PCDHA3: variants seen among roughly 807,000 people sequenced by gnomAD.
PCDHA3 encodes protocadherin alpha-3.
PCDHA3 carries 41 observed loss-of-function variants against 62.2 expected under a neutral mutation model. That is an observed-to-expected ratio of 0.66 (90% confidence interval 0.51 to 0.86). The LOEUF (loss-of-function observed/expected upper bound fraction) is 0.86, where lower values mean the gene tolerates loss of function less well. PCDHA3 is among the 40% of genes least tolerant of loss of function. The pLI is 0.00. For missense variants in PCDHA3, 1,304 were observed against 1,241.2 expected, an observed-to-expected ratio of 1.05 and a Z score of -0.76; for synonymous variants, 640 against 555.4, an observed-to-expected ratio of 1.15 and a Z score of -2.14.
At chr5:140,883,208 A>C in intron 1 of PCDHA3, 3 of 1,614,034 alleles carry the variant, frequency 1.9e-6, no homozygotes, top group Non-Finnish European at 1.7e-6. Context: ...CGAAGAAAAG[A>C]AATTATATGA....
intron 1 of PCDHA3, among the ~76,000 whole-genome samples, chr5:140,916,434 C>T (rs1554197442): frequency 1.3e-5 from 2 of 152,184 alleles, no homozygotes; most frequent in Non-Finnish European, 2.9e-5. Context: ...AACCTAAGGC[C>T]CACAGTATAC....
chr5:140,823,659 C>T (rs1562273954), intron 1 of PCDHA3: 1 of 1,613,866 alleles, frequency 6.2e-7, no homozygotes, highest in Non-Finnish European at 8.5e-7. Flanking sequence ...TGTACACAGG[C>T]GAGATCAGCA....
rs2150162331 is a variant in PCDHA3, at chr5:140,829,080, T to C, written c.2394+25489T>C. ...GCCACGGACAAAGGCCATCCTCCCA[T>C]GGCGGGTCATTGCACCGTTTTAGTG... On this transcript the variant is annotated intron_variant, in intron 1 of 3. Coordinates refer to ENST00000522353, the MANE Select transcript of PCDHA3 (RefSeq NM_018906.3). 15 of 1,611,842 alleles carry C rather than the reference T, an allele frequency of 9.3e-6. No homozygotes were observed. In the African/African-American group the frequency reaches 2.0e-4, roughly 22 times the overall value.
intron 1 of PCDHA3, 147 bp downstream of exon 1, chr5:140,803,738 C>G: frequency 7.1e-7 from 1 of 1,402,756 alleles, no homozygotes; most frequent in Non-Finnish European, 9.6e-7. Context: ...GTGGTTAAAA[C>G]GGTAAGATTT....
intron 3 of PCDHA3, among the ~76,000 whole-genome samples, chr5:140,985,834 G>T (rs550087572): frequency 1.3e-5 from 2 of 150,860 alleles, no homozygotes; most frequent in South Asian, 4.2e-4. Flanking sequence ...CTGCCTCCCG[G>T]GTTCATGCCA....
intron 1 of PCDHA3, chr5:140,875,435 A>G (rs1562696598): frequency 6.4e-7 from 1 of 1,563,788 alleles, no homozygotes; most frequent in East Asian, 2.3e-5. Context: ...GATCCCTTAA[A>G]ACTGATTGTC....
At chr5:140,945,760 G>T (rs2093839081) in intron 1 of PCDHA3, among the ~76,000 whole-genome samples, 2 of 152,154 alleles carry the variant, frequency 1.3e-5, no homozygotes, top group East Asian at 1.9e-4. Flanking sequence ...AAATGGTGGT[G>T]GGACAATTTG....
At chr5:140,838,268 C>T (rs1775630088) in intron 1 of PCDHA3, among the ~76,000 whole-genome samples, 2 of 138,020 alleles carry the variant, frequency 1.4e-5, no homozygotes, top group Admixed American at 7.6e-5. Context: ...CGCCAACAAC[C>T]AAGCCATGCT....
Position 140,842,803 on chromosome 5 carries a change from T to G in PCDHA3, c.2394+39212T>G, listed in dbSNP as rs141140865. 5,439 of 1,594,064 alleles carry G rather than the reference T, an allele frequency of 3.4e-3. 534 individuals carry two copies. In the African/African-American group the frequency reaches 0.06, roughly 17 times the overall value. On this transcript the variant is annotated intron_variant, in intron 1 of 3. Transcript: ENST00000522353. Reference sequence around the variant, plus strand: ...AGAACGCGCTGGTGTCCTACTCGCTTGTGGAGCGGCGGGTGGGCGAGCGCT... The same window carrying G: ...AGAACGCGCTGGTGTCCTACTCGCTGGTGGAGCGGCGGGTGGGCGAGCGCT...
At chr5:140,857,676 C>T (rs1178476676) in intron 1 of PCDHA3, 1 of 1,596,974 alleles carries the variant, frequency 6.3e-7, no homozygotes, top group Non-Finnish European at 8.6e-7. Context: ...GGCGTGCCGC[C>T]TCTGGGCAGC....
intron 1 of PCDHA3, among the ~76,000 whole-genome samples, chr5:140,977,142 T>C (rs781987643): frequency 6.6e-6 from 1 of 152,236 alleles, no homozygotes; most frequent in Non-Finnish European, 1.5e-5. Context: ...TCAGTCCTGC[T>C]GGAACTGTGC....
intron 1 of PCDHA3, among the ~76,000 whole-genome samples, chr5:140,826,782 C>T (rs1443804461): frequency 6.6e-6 from 1 of 152,004 alleles, no homozygotes; most frequent in Non-Finnish European, 1.5e-5. Flanking sequence ...TGAAAATAAC[C>T]TGCAAAAAGT....
In PCDHA3 at chr5:140,855,846, C is replaced by T. The variant is rs112115141; in HGVS notation, c.2394+52255C>T. ...CATGGAATCGTACTTACACCTAAAG[C>T]CACCGGATGTCGCTGTCGTCCACAA... is the stretch of plus-strand genomic sequence containing the variant. On this transcript the variant is annotated intron_variant, in intron 1 of 3. Coordinates refer to ENST00000522353, the MANE Select transcript of PCDHA3 (RefSeq NM_018906.3). The T allele has an allele frequency of 3.0e-3, 1,971 of 647,788 alleles. 109 individuals are homozygous for T. In the African/African-American group the frequency reaches 0.032, roughly 11 times the overall value. The allele number at this position is 647,788 out of a possible 1,614,324, so 40.1% of individuals were successfully genotyped here.
At chr5:140,934,684 A>G (rs1026507859) in intron 1 of PCDHA3, among the ~76,000 whole-genome samples, 1 of 152,178 alleles carries the variant, frequency 6.6e-6, no homozygotes, top group African/African-American at 2.4e-5. Context: ...TATTCAAAAC[A>G]ATGAATTGAT....
intron 1 of PCDHA3, chr5:140,856,494 C>A: frequency 6.3e-7 from 1 of 1,598,382 alleles, no homozygotes; most frequent in Non-Finnish European, 8.6e-7. Flanking sequence ...CTGCTTGACT[C>A]TCGATTTCCA....
At position 140,836,054 on chromosome 5, in the gene PCDHA3, C is replaced by A. The variant is rs2150251582; in HGVS notation, c.2394+32463C>A. 2.2e-5 allele frequency: 36 copies of A among 1,613,478 alleles called. No homozygotes were observed. Among genetic ancestry groups the A allele is most frequent in the Admixed American group, 3.3e-5 (2 of 59,984 alleles). On this transcript the variant is annotated intron_variant, in intron 1 of 3. Transcript: ENST00000522353. The stretch of plus-strand genomic sequence containing the variant: ...TGACGCTGCAGGTGTTCGTGCTGGA[C>A]GAGAACGACAACGCGCCGGCACTGC...
rs1299003245 is a variant in PCDHA3, at chr5:140,846,734, T to A, written c.2394+43143T>A. Among the ~76,000 whole-genome samples, 2 of 149,288 alleles carry A rather than the reference T, an allele frequency of 1.3e-5. 1 individual carries two copies. The highest frequency in any genetic ancestry group is 3.0e-5 in the Non-Finnish European group (2 of 66,808). On this transcript the variant is annotated intron_variant, in intron 1 of 3. Transcript: ENST00000522353. ...TAACCAGTCTTCATTAAACATTAAA[T>A]AGGACCCTTACAGATCTCTAACAGC...
At position 140,858,002 on chromosome 5, in the gene PCDHA3, G is replaced by A. The variant is rs782820218; in HGVS notation, c.2394+54411G>A. On this transcript the variant is annotated intron_variant, in intron 1 of 3. Transcript: ENST00000522353. The stretch of plus-strand genomic sequence containing the variant: ...CCAGCGCCTACTGGTGCTGGTGAAG[G>A]ACCATGGCGAGCCGTCGCTGACGGC... 1.9e-6 allele frequency: 3 copies of A among 1,596,800 alleles called. No homozygotes were observed. The Admixed American group carries it at 5.1e-5, about 27-fold the overall frequency.
rs1554151079 is a variant in PCDHA3 at position 140,858,031 on chromosome 5, G to T, written c.2394+54440G>T. 1.2e-5 allele frequency: 19 copies of T among 1,597,102 alleles called. 3 individuals are homozygous for T. The highest frequency in any genetic ancestry group is 1.5e-5 in the Non-Finnish European group (17 of 1,167,242). On this transcript the variant is annotated intron_variant, in intron 1 of 3. Coordinates refer to ENST00000522353, the MANE Select transcript of PCDHA3 (RefSeq NM_018906.3). ...ATGGCGAGCCGTCGCTGACGGCCACGGCCACTGTGCTTGTGTCGCTTGTGG... is the reference window on the plus strand; with the variant it reads ...ATGGCGAGCCGTCGCTGACGGCCACTGCCACTGTGCTTGTGTCGCTTGTGG...
Sources: gnomAD v4.1 joint callset for allele counts (sites outside exome capture counted in the v4.1 genomes callset) on GRCh38, gnomAD v4.1.1 for gene constraint, MANE v1.5 for transcripts, NCBI Gene and HGNC (gene_info 2026-07-23, HGNC 2026-07-21) for gene names.